The following ANKRD31 variants were observed in gnomAD, a reference collection of about 807,000 sequenced individuals.
ANKRD31 encodes the protein ankyrin repeat domain-containing protein 31.
A neutral mutation model predicts 186.0 loss-of-function variants in ANKRD31; 147 were observed. The observed-to-expected ratio is 0.79, with a 90% CI of 0.69 to 0.91. The LOEUF is 0.91. Ranked by LOEUF, ANKRD31 falls within the 40% of genes least tolerant of loss-of-function variation. The probability of loss-of-function intolerance (pLI) is 0.00; values close to 1 mark genes in which losing one functional copy is unlikely to be tolerated. For missense variants in ANKRD31, 1,986 were observed against 2,148.8 expected, an observed-to-expected ratio of 0.92 and a Z score of 1.50; for synonymous variants, 673 against 736.4, an observed-to-expected ratio of 0.91 and a Z score of 1.39.
rs1254237996 is a variant in ANKRD31 at position 75,199,693 on chromosome 5, T to A, written c.404-19A>T. 7 of 1,529,434 alleles carry A rather than the reference T, an allele frequency of 4.6e-6. No individual in the cohort carries two copies. The highest frequency in any genetic ancestry group is 5.3e-6 in the Non-Finnish European group (6 of 1,142,668). 94.7% of individuals were successfully genotyped at this position (1,529,434 alleles called of 1,614,324 possible). ...TCTGGCCCTAGAAAAAAACAATGTG[T>A]TTTCATTCCAGTTTTATGGAAGCAC... On this transcript the variant is annotated intron_variant, in intron 5 of 25. Coordinates refer to ENST00000506364, the MANE Select transcript of ANKRD31 (RefSeq NM_001372053.1).
At chr5:75,153,710 A>G (rs1160243180) in intron 12 of ANKRD31, among the ~76,000 whole-genome samples, 5 of 152,184 alleles carry the variant, frequency 3.3e-5, no homozygotes, top group Admixed American at 1.3e-4. Flanking sequence ...TAGAGAGTAT[A>G]AAGAGTATGT....
intron 17 of ANKRD31, among the ~76,000 whole-genome samples, chr5:75,134,810 T>A (rs1029574278): frequency 1.3e-5 from 2 of 152,102 alleles, no homozygotes; most frequent in Non-Finnish European, 2.9e-5. Flanking sequence ...ATCAAAAAGC[T>A]TATCCACCGT....
At chr5:75,073,596 A>C (rs533164079) in intron 25 of ANKRD31, among the ~76,000 whole-genome samples, 30 of 152,352 alleles carry the variant, frequency 2.0e-4, no homozygotes, top group Non-Finnish European at 3.5e-4. Flanking sequence ...TTGTTAGCTT[A>C]GTAATTTCTG....
rs567515913 is a variant in ANKRD31, at chr5:75,234,885, A to G, written c.104+1698T>C. Among the ~76,000 whole-genome samples the G allele has an allele frequency of 2.6e-5, 4 of 152,032 alleles. No individual in the cohort carries two copies. In the East Asian group the frequency reaches 7.7e-4, roughly 29 times the overall value. Reference sequence around the variant, plus strand: ...TTCATATGGAATTTTTTTGGAGTACAGTGTGAAATATGGATTCAACTAAAC... The same window carrying G: ...TTCATATGGAATTTTTTTGGAGTACGGTGTGAAATATGGATTCAACTAAAC... On this transcript the variant is annotated intron_variant, in intron 1 of 25. Coordinates refer to ENST00000506364, the MANE Select transcript of ANKRD31 (RefSeq NM_001372053.1).
intron 22 of ANKRD31, among the ~76,000 whole-genome samples, chr5:75,100,229 G>T (rs570748877): frequency 6.6e-6 from 1 of 152,076 alleles, no homozygotes; most frequent in Non-Finnish European, 1.5e-5. Context: ...GTATTTGAGC[G>T]GTTTTGAGTG....
At chr5:75,236,453 A>C (rs1758279869) in intron 1 of ANKRD31, 130 bp downstream of exon 1, 2 of 714,382 alleles carry the variant, frequency 2.8e-6, no homozygotes, top group East Asian at 6.0e-5. Context: ...CGGCTGCCCC[A>C]CAAGGCTCTG....
chr5:75,111,850 AT>A (rs1326574288), intron 20 of ANKRD31, among the ~76,000 whole-genome samples: 1 of 152,208 alleles, frequency 6.6e-6, no homozygotes, highest in Non-Finnish European at 1.5e-5. Context: ...CACCTGTTAC[AT>A]ATGCTCTTCT....
intron 6 of ANKRD31, among the ~76,000 whole-genome samples, chr5:75,198,845 G>A (rs1755634942): frequency 6.6e-6 from 1 of 152,136 alleles, no homozygotes. Flanking sequence ...AACAGCTATC[G>A]CTGCCCCTAT....
intron 10 of ANKRD31, among the ~76,000 whole-genome samples, chr5:75,187,278 C>T (rs1296554799): frequency 6.6e-6 from 1 of 151,820 alleles, no homozygotes; most frequent in African/African-American, 2.4e-5. Context: ...AAAGATAGAG[C>T]TAAGATGCAA....
chr5:75,112,087 T>G (rs914438024), intron 20 of ANKRD31, among the ~76,000 whole-genome samples: 10 of 152,136 alleles, frequency 6.6e-5, no homozygotes, highest in Non-Finnish European at 1.5e-5. Flanking sequence ...CTCAAATTAC[T>G]CATCCAACAC....
intron 15 of ANKRD31, among the ~76,000 whole-genome samples, chr5:75,142,197 T>G (rs1021052993): frequency 1.3e-5 from 2 of 152,166 alleles, no homozygotes; most frequent in African/African-American, 4.8e-5. Flanking sequence ...TGAGGTGTCT[T>G]GTTCACTGTA....
intron 10 of ANKRD31, among the ~76,000 whole-genome samples, chr5:75,178,830 G>A (rs1359972896): frequency 2.6e-5 from 4 of 152,108 alleles, no homozygotes; most frequent in Non-Finnish European, 5.9e-5. Flanking sequence ...AAGAACTAGA[G>A]AAGCAAGAGC....
At chr5:75,088,145 C>A (rs1299953156) in intron 23 of ANKRD31, among the ~76,000 whole-genome samples, 3 of 152,182 alleles carry the variant, frequency 2.0e-5, no homozygotes, top group African/African-American at 7.2e-5. Flanking sequence ...TCGAGATGAA[C>A]AATTTCCATC....
chr5:75,230,562 C>T lies in ANKRD31; in HGVS notation c.178G>A (p.Gly60Ser), dbSNP rs763377504. ...ACTTAATGAAAAGAATCATTCTCACCTTTGCACATTCCTCTTGTATCAGGA... is the reference window on the plus strand; with the variant it reads ...ACTTAATGAAAAGAATCATTCTCACTTTTGCACATTCCTCTTGTATCAGGA... ...LHPDTRGMCK[G>S]MPSPEIQLGF... Residue 60 changes from glycine to serine, a missense_variant and splice_region_variant, in exon 2 of 26, where the codon GGC (glycine) becomes AGC (serine). Physicochemically the swap from Gly to Ser is moderately conservative, Grantham distance 56 (BLOSUM62 0). Transcript: ENST00000506364. The T allele has an allele frequency of 3.3e-6, 5 of 1,534,802 alleles. No homozygotes were observed. Among genetic ancestry groups the T allele is most frequent in the African/African-American group, 2.7e-5 (2 of 72,962 alleles).
intron 11 of ANKRD31, among the ~76,000 whole-genome samples, chr5:75,164,029 G>T (rs1467843773): frequency 6.6e-6 from 1 of 152,168 alleles, no homozygotes; most frequent in African/African-American, 2.4e-5. Flanking sequence ...GACAGTATGT[G>T]ACTTCTAAGG....
intron 18 of ANKRD31, among the ~76,000 whole-genome samples, chr5:75,117,564 C>A (rs1748400732): frequency 6.6e-6 from 1 of 152,122 alleles, no homozygotes; most frequent in Admixed American, 6.6e-5. Context: ...ATTGCTCTCC[C>A]CAGCATTCTC....
At chr5:75,158,501 G>A (rs1039550917) in intron 11 of ANKRD31, among the ~76,000 whole-genome samples, 6 of 152,128 alleles carry the variant, frequency 3.9e-5, no homozygotes, top group South Asian at 2.1e-4. Flanking sequence ...AGTTTTGGCC[G>A]GATGTAGTGG....
chr5:75,099,467 T>C (rs574712362), intron 22 of ANKRD31, among the ~76,000 whole-genome samples: 54 of 152,302 alleles, frequency 3.5e-4, no homozygotes, highest in East Asian at 5.8e-4. Flanking sequence ...GGGAGGATTC[T>C]CTCTTTTTCT....
intron 10 of ANKRD31, among the ~76,000 whole-genome samples, chr5:75,184,159 C>T (rs988850294): frequency 6.6e-6 from 1 of 152,050 alleles, no homozygotes; most frequent in Admixed American, 6.6e-5. Flanking sequence ...GAAAAAACAG[C>T]CTCTTCAATA....
Sources: allele counts gnomAD v4.1 joint callset (sites outside exome capture counted in the v4.1 genomes callset), GRCh38; gene constraint gnomAD v4.1.1; transcripts MANE v1.5; gene names NCBI Gene and HGNC (gene_info 2026-07-23, HGNC 2026-07-21).